Variants in TMX3 observed in about 807,000 individuals in gnomAD.
TMX3 encodes protein disulfide-isomerase TMX3.
A neutral mutation model predicts 64.4 loss-of-function variants in TMX3; 40 were observed. The ratio of observed to expected loss-of-function variants is 0.62; its 90% confidence interval spans 0.48 to 0.81. TMX3 has a LOEUF of 0.81. Among genes scored for constraint, TMX3 ranks in the 30% least tolerant of loss-of-function variants. The pLI is 0.00. For missense variants in TMX3, 497 were observed against 534.5 expected (o/e 0.93, Z 0.69); for synonymous variants, 189 against 175.7 (o/e 1.08, Z -0.60).
At chr18:68,708,077 G>GTA (rs992363457) in intron 4 of TMX3, among the ~76,000 whole-genome samples, 2 of 150,048 alleles carry the variant, frequency 1.3e-5, no homozygotes, top group East Asian at 3.9e-4. Flanking sequence ...GTGTATATGT[G>GTA]TATATATATG....
intron 9 of TMX3, among the ~76,000 whole-genome samples, chr18:68,690,720 G>A (rs1914436474): frequency 6.6e-6 from 1 of 152,148 alleles, no homozygotes; most frequent in Non-Finnish European, 1.5e-5. Flanking sequence ...TGTCATGATG[G>A]GCAAAGATCT....
At chr18:68,707,194 CTTT>C (rs774533164) in intron 4 of TMX3, among the ~76,000 whole-genome samples, 4 of 138,494 alleles carry the variant, frequency 2.9e-5, no homozygotes, top group Non-Finnish European at 6.3e-5. Context: ...TACAAAGGGA[CTTT>C]TTTTTTTTTT....
rs377558755 is a variant in TMX3, at chr18:68,684,512, T to C, written c.737-27A>G. 1.3e-4 allele frequency: 200 copies of C among 1,597,248 alleles called. No individual in the cohort carries two copies. The African/African-American group carries it at 2.3e-3, about 18-fold the overall frequency. On this transcript the variant is annotated intron_variant, in intron 10 of 15. Coordinates refer to ENST00000299608, the MANE Select transcript of TMX3 (RefSeq NM_019022.5). ...TGAAATAAAGAATGACACATCTGAA[T>C]TCAATCACCCTTATTACACAAACTG...
Position 68,675,876 on chromosome 18 carries a change from C to T in TMX3, c.*1057G>A, listed in dbSNP as rs751928582. 17 of 152,082 alleles carry T rather than the reference C, an allele frequency of 1.1e-4. No homozygotes were observed. Among genetic ancestry groups the T allele is most frequent in the Non-Finnish European group, 1.9e-4 (13 of 67,992 alleles). 9.4% of individuals were successfully genotyped at this position (152,082 alleles called of 1,614,324 possible). A position where few individuals can be genotyped will look rare whatever the true frequency, so the allele number is the denominator to read the frequency against. ...AACTGGCTGATCTCTTTTTTTTACA[C>T]CGGATGTGACTTGTCACTGGACATG... On this transcript the variant is annotated 3_prime_UTR_variant, in exon 16 of 16. Transcript: ENST00000299608.
rs1302404818 is a variant in TMX3 at position 68,675,463 on chromosome 18, T to A, written c.*1470A>T. Reference sequence around the variant, plus strand: ...TTCCTTAGTACTTAAGATGCAAGTGTCCATACAGTCTTGATTAGTACGGCA... The same window carrying A: ...TTCCTTAGTACTTAAGATGCAAGTGACCATACAGTCTTGATTAGTACGGCA... On this transcript the variant is annotated 3_prime_UTR_variant, in exon 16 of 16. Coordinates refer to ENST00000299608, the MANE Select transcript of TMX3 (RefSeq NM_019022.5). The A allele has an allele frequency of 6.6e-6, 1 of 152,128 alleles. No individual in the cohort carries two copies. Among genetic ancestry groups the A allele is most frequent in the African/African-American group, 2.4e-5 (1 of 41,452 alleles). 9.4% of individuals were successfully genotyped at this position (152,128 alleles called of 1,614,324 possible).
chr18:68,713,978 G>A (rs1289208836), intron 1 of TMX3, 78 bp from the exon 2 acceptor site: 3 of 1,059,216 alleles, frequency 2.8e-6, no homozygotes, highest in South Asian at 1.8e-5. Flanking sequence ...CATCTCTGAA[G>A]TGTTTTTGAC....
At position 68,701,658 on chromosome 18, in the gene TMX3, A is replaced by T. The variant is rs190336843; in HGVS notation, c.311+87T>A. ...GCCAAACCCCAATCTTCAATCCTCCAGGGAATCTACTAGAAATTAACGTAA... is the reference window on the plus strand; with the variant it reads ...GCCAAACCCCAATCTTCAATCCTCCTGGGAATCTACTAGAAATTAACGTAA... On this transcript the variant is annotated intron_variant, in intron 5 of 15. Transcript: ENST00000299608. 119 of 1,584,248 alleles carry T rather than the reference A, an allele frequency of 7.5e-5. No individual in the cohort carries two copies. In the East Asian group the frequency reaches 2.6e-3, roughly 35 times the overall value.
At chr18:68,697,615 T>A (rs117774202) in intron 7 of TMX3, 3,737 of 371,426 alleles carry the variant, frequency 0.01, 101 homozygotes, top group East Asian at 0.074. Context: ...TATGTGTGTA[T>A]ACACACATAC....
chr18:68,706,845 C>T (rs970078041), intron 4 of TMX3, among the ~76,000 whole-genome samples: 2 of 152,172 alleles, frequency 1.3e-5, no homozygotes, highest in Non-Finnish European at 2.9e-5. Context: ...AATATGTGAA[C>T]GGTGGTTTTG....
At chr18:68,677,605 C>T (rs188473833) in intron 15 of TMX3, among the ~76,000 whole-genome samples, 346 of 152,296 alleles carry the variant, frequency 2.3e-3, no homozygotes, top group African/African-American at 7.9e-3. Context: ...TACACACATA[C>T]TCTTTTCACA....
At chr18:68,685,515 C>T (rs561977017) in intron 10 of TMX3, among the ~76,000 whole-genome samples, 3 of 152,170 alleles carry the variant, frequency 2.0e-5, no homozygotes, top group East Asian at 1.9e-4. Context: ...TCAAATGGTT[C>T]GTGAGTTTTT....
At chr18:68,685,203 T>C (rs1477089047) in intron 10 of TMX3, among the ~76,000 whole-genome samples, 1 of 152,126 alleles carries the variant, frequency 6.6e-6, no homozygotes, top group Admixed American at 6.5e-5. Context: ...TCAACTTATT[T>C]CCAAAAACTA....
chr18:68,679,325 A>G (rs1360623851), intron 15 of TMX3, 138 bp downstream of exon 15: 2 of 524,400 alleles, frequency 3.8e-6, no homozygotes, highest in African/African-American at 4.0e-5. Flanking sequence ...ATATTTTCTT[A>G]AATACTGACT....
At chr18:68,707,622 T>A (rs1288981949) in intron 4 of TMX3, among the ~76,000 whole-genome samples, 1 of 152,234 alleles carries the variant, frequency 6.6e-6, no homozygotes, top group African/African-American at 2.4e-5. Context: ...ACTGTTTATC[T>A]TCATAGTCCC....
chr18:68,697,903 T>G, intron 7 of TMX3, 29 bp downstream of exon 7: 1 of 1,397,100 alleles, frequency 7.2e-7, no homozygotes. Flanking sequence ...ACAATACATC[T>G]GTTTTTGTGG....
chr18:68,699,587 A>G (rs1159408456), intron 6 of TMX3, among the ~76,000 whole-genome samples: 1 of 152,182 alleles, frequency 6.6e-6, no homozygotes, highest in East Asian at 1.9e-4. Context: ...ATTTTAATTT[A>G]CCTTAAAGCT....
intron 6 of TMX3, among the ~76,000 whole-genome samples, chr18:68,698,484 A>G (rs1409747418): frequency 1.3e-5 from 2 of 152,200 alleles, no homozygotes; most frequent in African/African-American, 2.4e-5. Flanking sequence ...TACTATGTCA[A>G]TTTAAATGGT....
chr18:68,686,448 C>T (rs1027629976), intron 10 of TMX3, among the ~76,000 whole-genome samples: 2 of 152,172 alleles, frequency 1.3e-5, no homozygotes, highest in African/African-American at 2.4e-5. Flanking sequence ...CGGTGGCTCA[C>T]GCCTATAATC....
intron 10 of TMX3, among the ~76,000 whole-genome samples, chr18:68,685,996 T>C (rs1913914462): frequency 6.6e-6 from 1 of 152,134 alleles, no homozygotes; most frequent in Non-Finnish European, 1.5e-5. Flanking sequence ...GATAAAATAA[T>C]AGTAATAACA....
Sources: gnomAD v4.1 joint callset for allele counts (sites outside exome capture counted in the v4.1 genomes callset) on GRCh38, gnomAD v4.1.1 for gene constraint, MANE v1.5 for transcripts, NCBI Gene and HGNC (gene_info 2026-07-23, HGNC 2026-07-21) for gene names.